CCSER2: variants seen among roughly 807,000 people sequenced by gnomAD.
CCSER2 encodes the protein serine-rich coiled-coil domain-containing protein 2.
In CCSER2, 46 loss-of-function variants were observed where a neutral mutation model predicts 92.3. The ratio of observed to expected loss-of-function variants is 0.50; its 90% CI spans 0.39 to 0.64. The LOEUF (loss-of-function observed/expected upper bound fraction) is 0.64. CCSER2 is among the 30% of genes least tolerant of loss of function. CCSER2 has a pLI of 0.00. For synonymous variants in CCSER2, 433 were observed against 431.4 expected (o/e 1.00, Z -0.04); for missense variants, 1,244 against 1,238.9 (o/e 1.00, Z -0.06).
At position 84,457,273 on chromosome 10, in the gene CCSER2, A is replaced by ATATATTATATATAATATATT. The variant is rs1464003821; in HGVS notation, c.2065-6660_2065-6659insTATATTATATATAATATATT. On this transcript the variant is annotated intron_variant, in intron 6 of 9. Coordinates refer to ENST00000372088, the MANE Select transcript of CCSER2 (RefSeq NM_001284240.2). ...ATATTATATAAAATATATTATATAT[A>ATATATTATATATAATATATT]ATATATTATATATTATATATTATAT... is the stretch of plus-strand genomic sequence containing the variant. 6.0e-4 allele frequency among the ~76,000 whole-genome samples: 42 copies of ATATATTATATATAATATATT among 69,646 alleles called. 3 individuals carry two copies. The highest frequency in any genetic ancestry group is 3.3e-3 in the South Asian group (9 of 2,696). The allele number at this position is 69,646 out of a possible 152,430, so 45.7% of individuals were successfully genotyped here.
rs893147466 is a variant in CCSER2, at chr10:84,518,365, C to A, written c.*4098C>A. ...TACTAACAAAGAGCAAAAATAATAT[C>A]TGCAGTATTGTTTTTCCCATTGATT... On this transcript the variant is annotated 3_prime_UTR_variant, in exon 10 of 10. Transcript: ENST00000372088. The A allele has an allele frequency of 2.6e-5, 4 of 152,538 alleles. No individual in the cohort carries two copies. Among genetic ancestry groups the A allele is most frequent in the African/African-American group, 7.2e-5 (3 of 41,402 alleles). 9.4% of individuals were successfully genotyped at this position (152,538 alleles called of 1,614,324 possible).
intron 1 of CCSER2, among the ~76,000 whole-genome samples, chr10:84,348,870 C>A (rs1414661250): frequency 6.6e-6 from 1 of 151,982 alleles, no homozygotes; most frequent in Non-Finnish European, 1.5e-5. Flanking sequence ...CATTTGCTCT[C>A]TTTCATATAT....
intron 2 of CCSER2, among the ~76,000 whole-genome samples, 189 bp from the exon 3 acceptor site, chr10:84,373,425 TATTTC>T (rs573251216): frequency 1.1e-3 from 173 of 152,204 alleles, no homozygotes; most frequent in African/African-American, 4.0e-3. Context: ...TATTAGAAAA[TATTTC>T]AGTAGGTTAT....
rs1459243470 is a variant in CCSER2, at chr10:84,371,059, G to GA, written c.13dup (p.Thr5AsnfsTer33). The GA allele has an allele frequency of 1.3e-6, 2 of 1,579,514 alleles. No homozygotes were observed. The highest frequency in any genetic ancestry group is 1.7e-6 in the Non-Finnish European group (2 of 1,166,296). ...CAAATGCACCTTATAGCTCATGGAA[G>GA]AAAAAACACAAATCAAGACATTTTT... On this transcript the variant is annotated frameshift_variant, in exon 2 of 10. Transcript: ENST00000372088. LOFTEE classifies it high-confidence loss of function.
At chr10:84,367,509 TG>T in intron 1 of CCSER2, among the ~76,000 whole-genome samples, 1 of 152,214 alleles carries the variant, frequency 6.6e-6, no homozygotes, top group African/African-American at 2.4e-5. Context: ...TCTGAGTAGC[TG>T]GGACAACAGG....
chr10:84,398,746 A>G (rs1297379775), intron 3 of CCSER2, among the ~76,000 whole-genome samples: 1 of 152,238 alleles, frequency 6.6e-6, no homozygotes, highest in Non-Finnish European at 1.5e-5. Flanking sequence ...TCTTTGGTTA[A>G]TAATTCACAG....
chr10:84,456,039 A>T, intron 6 of CCSER2: 1 of 471,496 alleles, frequency 2.1e-6, no homozygotes, highest in Middle Eastern at 5.7e-4. Context: ...ATGTTTCTGT[A>T]GCTCTTCCAA....
intron 1 of CCSER2, among the ~76,000 whole-genome samples, chr10:84,337,255 G>A (rs569141921): frequency 2.6e-5 from 4 of 152,194 alleles, no homozygotes; most frequent in Non-Finnish European, 5.9e-5. Flanking sequence ...TTGGGATCCT[G>A]TAATGTTTTC....
At chr10:84,385,923 G>A (rs1841178577) in intron 3 of CCSER2, among the ~76,000 whole-genome samples, 1 of 151,442 alleles carries the variant, frequency 6.6e-6, no homozygotes, top group Non-Finnish European at 1.5e-5. Flanking sequence ...ATGGGCAAAG[G>A]ATATGAACAG....
chr10:84,395,896 A>G (rs1841802409), intron 3 of CCSER2, among the ~76,000 whole-genome samples: 1 of 152,184 alleles, frequency 6.6e-6, no homozygotes, highest in African/African-American at 2.4e-5. Context: ...GAGATTTAGA[A>G]ACCAAGATCT....
At chr10:84,505,409 A>G (rs970857164) in intron 9 of CCSER2, among the ~76,000 whole-genome samples, 6 of 152,170 alleles carry the variant, frequency 3.9e-5, no homozygotes, top group Non-Finnish European at 7.4e-5. Flanking sequence ...GTATTTGACA[A>G]TTGTTGAATT....
At chr10:84,352,060 G>T (rs2133072454) in intron 1 of CCSER2, among the ~76,000 whole-genome samples, 1 of 152,286 alleles carries the variant, frequency 6.6e-6, no homozygotes, top group African/African-American at 2.4e-5. Context: ...CAGCACTTTG[G>T]GAGGCCGAGG....
chr10:84,430,072 A>C (rs1843680191), intron 5 of CCSER2, among the ~76,000 whole-genome samples: 1 of 152,002 alleles, frequency 6.6e-6, no homozygotes, highest in Non-Finnish European at 1.5e-5. Context: ...GATTTCATTG[A>C]ATGCCTTGAA....
intron 9 of CCSER2, among the ~76,000 whole-genome samples, chr10:84,510,800 C>T (rs1369727028): frequency 6.6e-6 from 1 of 152,152 alleles, no homozygotes; most frequent in Non-Finnish European, 1.5e-5. Flanking sequence ...GGGTAATTAG[C>T]GGCAATCCAG....
At chr10:84,357,451 GTT>G (rs11325480) in intron 1 of CCSER2, among the ~76,000 whole-genome samples, 112 of 115,520 alleles carry the variant, frequency 9.7e-4, no homozygotes, top group African/African-American at 2.1e-3. Flanking sequence ...ATATTTTTGT[GTT>G]TTTTTTTTTT....
intron 5 of CCSER2, among the ~76,000 whole-genome samples, chr10:84,437,530 C>T (rs888149079): frequency 2.6e-5 from 4 of 151,724 alleles, no homozygotes; most frequent in Non-Finnish European, 2.9e-5. Flanking sequence ...AAAAAGTTCT[C>T]CTCACAGTTT....
At chr10:84,368,578 T>TA (rs914201776) in intron 1 of CCSER2, among the ~76,000 whole-genome samples, 54 of 151,842 alleles carry the variant, frequency 3.6e-4, no homozygotes, top group Non-Finnish European at 6.2e-4. Flanking sequence ...GTTTTAAAAA[T>TA]AAAAAAAAAT....
intron 6 of CCSER2, among the ~76,000 whole-genome samples, chr10:84,457,591 T>A (rs868462871): frequency 0.038 from 231 of 6,014 alleles, 1 homozygote; most frequent in Middle Eastern, 0.1. Context: ...TTATATATAA[T>A]TATATATTTA....
At chr10:84,339,098 T>G (rs1381740779) in intron 1 of CCSER2, among the ~76,000 whole-genome samples, 1 of 150,684 alleles carries the variant, frequency 6.6e-6, no homozygotes, top group Non-Finnish European at 1.5e-5. Context: ...AGAAGTTAAT[T>G]TTTTCTTTTC....
Sources: allele counts gnomAD v4.1 joint callset (sites outside exome capture counted in the v4.1 genomes callset), GRCh38; gene constraint gnomAD v4.1.1; transcripts MANE v1.5; gene names NCBI Gene and HGNC (gene_info 2026-07-23, HGNC 2026-07-21).